The following CCL7 variants were observed in gnomAD, a reference collection of about 807,000 sequenced individuals.
The protein encoded by CCL7 is C-C motif chemokine ligand 7.
Under a neutral mutation model 7.1 loss-of-function variants are expected in CCL7, and 8 were observed. The observed-to-expected ratio is 1.13, with a 90% CI of 0.66 to 2.04. The LOEUF is 2.04. Ranked by LOEUF, CCL7 falls within the 30% of genes most tolerant of loss-of-function variation. The pLI is 0.00. For synonymous variants in CCL7, 46 were observed against 41.2 expected (o/e 1.12, Z -0.45); for missense variants, 134 against 113.6 (o/e 1.18, Z -0.82).
chr17:34,271,896 A>C lies in CCL7; in HGVS notation c.*94A>C. 1 of 728,490 alleles carries C rather than the reference A, an allele frequency of 1.4e-6. No individual in the cohort carries two copies. The highest frequency in any genetic ancestry group is 2.3e-6 in the Non-Finnish European group (1 of 429,202). 45.1% of individuals were successfully genotyped at this position (728,490 alleles called of 1,614,324 possible). On this transcript the variant is annotated 3_prime_UTR_variant, in exon 3 of 3. Coordinates refer to ENST00000378569, the MANE Select transcript of CCL7 (RefSeq NM_006273.4). ...TCAGAGTGGTTCTGAGATTATTTTA[A>C]TCTAATTCTAAGGAATATGAGCTTT...
chr17:34,271,834 A>T lies in CCL7; in HGVS notation c.*32A>T, dbSNP rs201370634. The stretch of plus-strand genomic sequence containing the variant: ...ATGACTGAACTGAAAACAAGCCATG[A>T]CTTGAGAAACAAATAATTTGTATAC... On this transcript the variant is annotated 3_prime_UTR_variant, in exon 3 of 3. Coordinates refer to ENST00000378569, the MANE Select transcript of CCL7 (RefSeq NM_006273.4). 5.6e-5 allele frequency: 77 copies of T among 1,372,996 alleles called. No individual in the cohort carries two copies. Among genetic ancestry groups the T allele is most frequent in the Non-Finnish European group, 7.7e-5 (74 of 967,198 alleles). 85.1% of individuals were successfully genotyped at this position (1,372,996 alleles called of 1,614,324 possible). A position where few individuals can be genotyped will look rare whatever the true frequency, so the allele number is the denominator to read the frequency against.
At chr17:34,271,662 G>C in intron 2 of CCL7, 35 bp from the exon 3 acceptor site, 1 of 1,383,184 alleles carries the variant, frequency 7.2e-7, no homozygotes, top group Non-Finnish European at 1.0e-6. Flanking sequence ...AACCCTCAAG[G>C]TGTTCCATCT....
intron 1 of CCL7, 29 bp downstream of exon 1, chr17:34,270,395 G>A (rs753747288): frequency 5.7e-6 from 9 of 1,583,554 alleles, no homozygotes; most frequent in Middle Eastern, 1.7e-4. Context: ...TCTCCTTGAA[G>A]CACATTGCCC....
chr17:34,270,243 C>T lies in CCL7; in HGVS notation c.-48C>T. On this transcript the variant is annotated 5_prime_UTR_variant, in exon 1 of 3. Coordinates refer to ENST00000378569, the MANE Select transcript of CCL7 (RefSeq NM_006273.4). ...AGGAGCAGAGGGGCTGAGACCAAACCAGAAACCTCCAATTCTCATGTGGAA... is the reference window on the plus strand; with the variant it reads ...AGGAGCAGAGGGGCTGAGACCAAACTAGAAACCTCCAATTCTCATGTGGAA... 1.3e-6 allele frequency: 2 copies of T among 1,588,722 alleles called. No individual in the cohort carries two copies. Among genetic ancestry groups the T allele is most frequent in the Non-Finnish European group, 1.7e-6 (2 of 1,156,960 alleles).
chr17:34,270,339 T>A lies in CCL7; in HGVS notation c.49T>A (p.Phe17Ile). Reference sequence around the variant, plus strand: ...GTGTCTGCTGCTCACAGCAGCTGCTTTCAGCCCCCAGGGGCTTGCTCAGCC... The same window carrying A: ...GTGTCTGCTGCTCACAGCAGCTGCTATCAGCCCCCAGGGGCTTGCTCAGCC... ...LLCLLLTAAA[F>I]SPQGLAQPVG... Residue 17 changes from phenylalanine to isoleucine, a missense_variant, in exon 1 of 3, where the codon TTC becomes ATC. Coordinates refer to ENST00000378569, the MANE Select transcript of CCL7 (RefSeq NM_006273.4). The A allele has an allele frequency of 6.2e-7, 1 of 1,614,188 alleles. No individual in the cohort carries two copies. Among genetic ancestry groups the A allele is most frequent in the South Asian group, 1.1e-5 (1 of 91,090 alleles).
At position 34,271,706 on chromosome 17, in the gene CCL7, C is replaced by G; in HGVS notation, c.204C>G (p.Thr68=). ...HCPREAVIFK[T]KLDKEICADP... Reference sequence around the variant, plus strand: ...CCTTTCTGCTCCACAGCTTCAAGACCAAACTGGACAAGGAGATCTGTGCTG... The same window carrying G: ...CCTTTCTGCTCCACAGCTTCAAGACGAAACTGGACAAGGAGATCTGTGCTG... Residue 68 remains threonine, a synonymous_variant, in exon 3 of 3, where the codon ACC becomes ACG. Transcript: ENST00000378569. 1 of 1,608,236 alleles carries G rather than the reference C, an allele frequency of 6.2e-7. No individual in the cohort carries two copies.
chr17:34,270,230 G>T lies in CCL7; in HGVS notation c.-61G>T, dbSNP rs201267878. On this transcript the variant is annotated 5_prime_UTR_variant, in exon 1 of 3. Transcript: ENST00000378569. The stretch of plus-strand genomic sequence containing the variant: ...ACAGAGCTTCCAGAGGAGCAGAGGG[G>T]CTGAGACCAAACCAGAAACCTCCAA... 5.3e-5 allele frequency: 79 copies of T among 1,490,570 alleles called. 3 individuals carry two copies. The South Asian group carries it at 8.2e-4, about 16-fold the overall frequency. 92.3% of individuals were successfully genotyped at this position (1,490,570 alleles called of 1,614,324 possible). A position where few individuals can be genotyped will look rare whatever the true frequency, so the allele number is the denominator to read the frequency against.
chr17:34,270,999 G>A (rs1339773893), intron 1 of CCL7, 147 bp from the exon 2 acceptor site: 1 of 1,491,760 alleles, frequency 6.7e-7, no homozygotes, highest in Non-Finnish European at 8.9e-7. Context: ...GCCTCAAAGG[G>A]CAGAGACATT....
At position 34,271,832 on chromosome 17, in the gene CCL7, T is replaced by C. The variant is rs1157215965; in HGVS notation, c.*30T>C. 6 of 1,402,140 alleles carry C rather than the reference T, an allele frequency of 4.3e-6. No homozygotes were observed. Among genetic ancestry groups the C allele is most frequent in the Admixed American group, 1.8e-5 (1 of 56,070 alleles). The allele number at this position is 1,402,140 out of a possible 1,614,324, so 86.9% of individuals were successfully genotyped here. On this transcript the variant is annotated 3_prime_UTR_variant, in exon 3 of 3. Transcript: ENST00000378569. ...TCATGACTGAACTGAAAACAAGCCA[T>C]GACTTGAGAAACAAATAATTTGTAT...
In CCL7 at chr17:34,271,942, G is replaced by A. The variant is rs1471181886; in HGVS notation, c.*140G>A. The A allele has an allele frequency of 3.4e-6, 2 of 592,924 alleles. No homozygotes were observed. Among genetic ancestry groups the A allele is most frequent in the South Asian group, 2.1e-5 (1 of 46,646 alleles). 36.7% of individuals were successfully genotyped at this position (592,924 alleles called of 1,614,324 possible). A position where few individuals can be genotyped will look rare whatever the true frequency, so the allele number is the denominator to read the frequency against. On this transcript the variant is annotated 3_prime_UTR_variant, in exon 3 of 3. Transcript: ENST00000378569. ...GCTTTATGTAATAATGTGAATCATG[G>A]TTTTTCTTAGTAGATTTTAAAAGTT...
At chr17:34,271,317 G>A in intron 2 of CCL7, 54 bp downstream of exon 2, 3 of 1,445,602 alleles carry the variant, frequency 2.1e-6, no homozygotes, top group Non-Finnish European at 2.9e-6. Flanking sequence ...GTTCTTCCCT[G>A]GGCAGGGAAT....
At position 34,271,996 on chromosome 17, in the gene CCL7, A is replaced by G; in HGVS notation, c.*194A>G. 2 of 488,360 alleles carry G rather than the reference A, an allele frequency of 4.1e-6. No individual in the cohort carries two copies. Among genetic ancestry groups the G allele is most frequent in the Non-Finnish European group, 7.1e-6 (2 of 280,298 alleles). The allele number at this position is 488,360 out of a possible 1,614,324, so 30.3% of individuals were successfully genotyped here. A position where few individuals can be genotyped will look rare whatever the true frequency, so the allele number is the denominator to read the frequency against. ...AATATTTTAATTTAATCTTCCATGG[A>G]TTTTGGTGGGTTTTGAACATAAAGC... is the stretch of plus-strand genomic sequence containing the variant. On this transcript the variant is annotated 3_prime_UTR_variant, in exon 3 of 3. Coordinates refer to ENST00000378569, the MANE Select transcript of CCL7 (RefSeq NM_006273.4).
intron 1 of CCL7, 91 bp from the exon 2 acceptor site, chr17:34,271,055 T>C (rs757662244): frequency 4.4e-6 from 7 of 1,588,182 alleles, no homozygotes; most frequent in Non-Finnish European, 6.0e-6. Context: ...CCTTTCTTTC[T>C]GATTCCTTCT....
intron 1 of CCL7, among the ~76,000 whole-genome samples, chr17:34,270,697 G>C (rs1458158450): frequency 6.6e-6 from 1 of 152,056 alleles, no homozygotes; most frequent in Non-Finnish European, 1.5e-5. Flanking sequence ...TGGGTGTGCG[G>C]GCTGTTTCCA....
In CCL7 at chr17:34,271,731, G is replaced by A; in HGVS notation, c.229G>A (p.Asp77Asn). 6.2e-7 allele frequency: 1 copy of A among 1,612,978 alleles called. No homozygotes were observed. Among genetic ancestry groups the A allele is most frequent in the Non-Finnish European group, 8.5e-7 (1 of 1,179,724 alleles). Residue 77 changes from aspartate to asparagine, a missense_variant, in exon 3 of 3, where the codon GAC becomes AAC. Asp to Asn is a conservative substitution (Grantham distance 23). Coordinates refer to ENST00000378569, the MANE Select transcript of CCL7 (RefSeq NM_006273.4). ...KTKLDKEICA[D>N]PTQKWVQDFM... is the part of the protein sequence containing the mutation. ...CAAACTGGACAAGGAGATCTGTGCT[G>A]ACCCCACACAGAAGTGGGTCCAGGA...
chr17:34,271,662 G>A (rs1339520271), intron 2 of CCL7, 35 bp from the exon 3 acceptor site: 3 of 1,383,066 alleles, frequency 2.2e-6, no homozygotes, highest in Non-Finnish European at 2.0e-6. Context: ...AACCCTCAAG[G>A]TGTTCCATCT....
At chr17:34,271,079 T>C in intron 1 of CCL7, 67 bp from the exon 2 acceptor site, 2 of 1,604,248 alleles carry the variant, frequency 1.2e-6, no homozygotes, top group South Asian at 2.2e-5. Flanking sequence ...TACCATTCCC[T>C]GTTTTACAAA....
At chr17:34,270,963 T>C (rs1908117833) in intron 1 of CCL7, 183 bp from the exon 2 acceptor site, 1 of 1,316,286 alleles carries the variant, frequency 7.6e-7, no homozygotes, top group Admixed American at 2.8e-5. Context: ...TCACAGTCCA[T>C]AAAAGTGAAA....
At position 34,271,176 on chromosome 17, in the gene CCL7, A is replaced by G. The variant is rs1908135712; in HGVS notation, c.107A>G (p.Tyr36Cys). Residue 36 changes from tyrosine to cysteine, a missense_variant, in exon 2 of 3, where the codon TAC becomes TGC. Coordinates refer to ENST00000378569, the MANE Select transcript of CCL7 (RefSeq NM_006273.4). Reference protein sequence around the residue: ...VGINTSTTCCYRFINKKIPKQ... With the variant: ...VGINTSTTCCCRFINKKIPKQ... ...ATTAATACTTCAACTACCTGCTGCT[A>G]CAGATTTATCAATAAGAAAATCCCT... The G allele has an allele frequency of 1.2e-6, 2 of 1,614,172 alleles. No homozygotes were observed.
Sources: gnomAD v4.1 joint callset for allele counts (sites outside exome capture counted in the v4.1 genomes callset) on GRCh38, gnomAD v4.1.1 for gene constraint, MANE v1.5 for transcripts, NCBI Gene and HGNC (gene_info 2026-07-23, HGNC 2026-07-21) for gene names.